TMEM132C: variants seen among roughly 807,000 people sequenced by gnomAD.
The protein encoded by TMEM132C is protein phosphatase 1, regulatory subunit 152.
TMEM132C carries 29 observed loss-of-function variants against 61.4 expected under a neutral mutation model. That is an observed-to-expected ratio of 0.47 (90% CI 0.35 to 0.64). The LOEUF (loss-of-function observed/expected upper bound fraction) is 0.64. TMEM132C is among the 30% of genes least tolerant of loss of function. TMEM132C has a pLI of 0.00. For missense variants in TMEM132C, 1,408 were observed against 1,476.9 expected (o/e 0.95, Z 0.76); for synonymous variants, 656 against 633.1 (o/e 1.04, Z -0.54).
chr12:128,506,206 G>A (rs1872353274), intron 2 of TMEM132C, among the ~76,000 whole-genome samples: 2 of 152,200 alleles, frequency 1.3e-5, no homozygotes, highest in South Asian at 2.1e-4. Flanking sequence ...CTCTCCAGAT[G>A]CAGGAGAAAG....
At chr12:128,297,022 A>G (rs1159523216) in intron 1 of TMEM132C, among the ~76,000 whole-genome samples, 1 of 152,136 alleles carries the variant, frequency 6.6e-6, no homozygotes, top group East Asian at 1.9e-4. Flanking sequence ...GGATGTAGGA[A>G]ATACAGCTGT....
chr12:128,543,795 G>A (rs1456403687), intron 2 of TMEM132C, among the ~76,000 whole-genome samples, 162 bp from the exon 3 acceptor site: 5 of 152,040 alleles, frequency 3.3e-5, no homozygotes. Flanking sequence ...CGCTCGCCCT[G>A]CCCTGGCATC....
rs1376966220 is a variant in TMEM132C, at chr12:128,696,077, C to T, written c.1903C>T (p.Arg635Ter). 5 of 1,551,446 alleles carry T rather than the reference C, an allele frequency of 3.2e-6. No individual in the cohort carries two copies. In the Admixed American group the frequency reaches 5.9e-5, roughly 18 times the overall value. ...TLQDSRVLVG[R>*]EVGMTTIQVL... ...CCAGGACAGCCGGGTCCTGGTTGGGCGAGAGGTTGGGATGACGACCATCCA... is the reference window on the plus strand; with the variant it reads ...CCAGGACAGCCGGGTCCTGGTTGGGTGAGAGGTTGGGATGACGACCATCCA... The change falls in exon 7 of 9, where the codon CGA (arginine) becomes TGA (stop). Residue 635 changes from arginine to a stop codon, truncating the protein, a stop_gained. Transcript: ENST00000435159. LOFTEE classifies it high-confidence loss of function.
intron 1 of TMEM132C, among the ~76,000 whole-genome samples, chr12:128,410,478 C>T (rs1436117589): frequency 2.0e-5 from 3 of 152,192 alleles, no homozygotes; most frequent in Non-Finnish European, 2.9e-5. Flanking sequence ...TCTCGGCTCA[C>T]TGCAACCTCC....
chr12:128,290,364 G>C (rs1871210872), intron 1 of TMEM132C, among the ~76,000 whole-genome samples: 1 of 152,044 alleles, frequency 6.6e-6, no homozygotes, highest in South Asian at 2.1e-4. Flanking sequence ...AGGGGGAAGT[G>C]CCACACTTTT....
At chr12:128,516,002 T>G (rs1256398615) in intron 2 of TMEM132C, among the ~76,000 whole-genome samples, 1 of 152,142 alleles carries the variant, frequency 6.6e-6, no homozygotes, top group Non-Finnish European at 1.5e-5. Context: ...TCACCCGCCC[T>G]GTGGTTCGCT....
At position 128,415,285 on chromosome 12, in the gene TMEM132C, G is replaced by T; in HGVS notation, c.639G>T (p.Gly213=). ...TCAGTGCCCCGACGGTGGGTGCCGG[G>T]AGGAAGAAGTCCATGGACCAGCCGG... ...SWFSAPTVGA[G]RKKSMDQPEG... Residue 213 remains glycine, a synonymous_variant, in exon 2 of 9, where the codon GGG becomes GGT. Transcript: ENST00000435159. The surrounding 1 kb of genome is among the most constrained non-coding windows in gnomAD (Gnocchi z 5.8). 6.3e-7 allele frequency: 1 copy of T among 1,598,088 alleles called. No homozygotes were observed. Among genetic ancestry groups the T allele is most frequent in the South Asian group, 1.1e-5 (1 of 88,682 alleles).
intron 1 of TMEM132C, chr12:128,294,008 G>A: frequency 6.5e-6 from 1 of 154,700 alleles, no homozygotes. Context: ...AGGTGGTTGT[G>A]TCTGCTGGGG....
At chr12:128,335,056 T>C (rs1488179977) in intron 1 of TMEM132C, among the ~76,000 whole-genome samples, 1 of 152,266 alleles carries the variant, frequency 6.6e-6, no homozygotes, top group African/African-American at 2.4e-5. Context: ...TATCATAGAT[T>C]GCAAAAGTTA....
chr12:128,674,668 CTTTA>C lies in TMEM132C; in HGVS notation c.1449+5116_1449+5119del, dbSNP rs1274724790. On this transcript the variant is annotated intron_variant, in intron 5 of 8. Transcript: ENST00000435159. Reference sequence around the variant, plus strand: ...TCACCTGGCAACACTGTGGGGTGCCCTTTATTTATTTTTTCATTTTTCCATAAGT... The same window carrying C: ...TCACCTGGCAACACTGTGGGGTGCCCTTTATTTTTTCATTTTTCCATAAGT... Among the ~76,000 whole-genome samples the C allele has an allele frequency of 3.3e-5, 5 of 152,168 alleles. No individual in the cohort carries two copies. In the East Asian group the frequency reaches 7.7e-4, roughly 24 times the overall value.
chr12:128,443,465 T>A (rs1191479082), intron 2 of TMEM132C, among the ~76,000 whole-genome samples: 1 of 152,218 alleles, frequency 6.6e-6, no homozygotes. Flanking sequence ...TAAACATTTT[T>A]AAAGTTTTTA....
Position 128,656,845 on chromosome 12 carries a change from G to A in TMEM132C, c.1306-12572G>A, listed in dbSNP as rs183952268. 9.8e-5 allele frequency among the ~76,000 whole-genome samples: 15 copies of A among 152,302 alleles called. No homozygotes were observed. In the East Asian group the frequency reaches 1.7e-3, roughly 18 times the overall value. On this transcript the variant is annotated intron_variant, in intron 4 of 8. Transcript: ENST00000435159. Reference sequence around the variant, plus strand: ...TTCAGTAACTGAAGAAAAAAAGAGAGTGGATATTGAGAGGCAGCCTCTTTT... The same window carrying A: ...TTCAGTAACTGAAGAAAAAAAGAGAATGGATATTGAGAGGCAGCCTCTTTT...
At chr12:128,516,170 A>G (rs73424405) in intron 2 of TMEM132C, among the ~76,000 whole-genome samples, 4,345 of 152,180 alleles carry the variant, frequency 0.029, 209 homozygotes, top group African/African-American at 0.098. Flanking sequence ...TAAAATAAAC[A>G]CTAAGTACCC....
chr12:128,628,708 C>G (rs553179946), intron 4 of TMEM132C, among the ~76,000 whole-genome samples: 7 of 152,254 alleles, frequency 4.6e-5, no homozygotes, highest in African/African-American at 1.7e-4. Flanking sequence ...GGTGTATGAC[C>G]CGCCACATCT....
intron 1 of TMEM132C, among the ~76,000 whole-genome samples, chr12:128,283,460 A>C (rs1249051750): frequency 6.6e-6 from 1 of 152,070 alleles, no homozygotes; most frequent in Non-Finnish European, 1.5e-5. Flanking sequence ...ATCATTGTGC[A>C]CACATTGGCC....
chr12:128,568,694 A>G (rs1015965030), intron 3 of TMEM132C, among the ~76,000 whole-genome samples: 3 of 152,120 alleles, frequency 2.0e-5, no homozygotes, highest in Non-Finnish European at 4.4e-5. Flanking sequence ...CCTGATACTG[A>G]CAAGGAGAGA....
chr12:128,371,748 T>A (rs1593028801), intron 1 of TMEM132C, among the ~76,000 whole-genome samples: 3 of 152,144 alleles, frequency 2.0e-5, no homozygotes, highest in African/African-American at 4.8e-5. Context: ...AACATATTTT[T>A]AAAATTTTTT....
At chr12:128,396,025 C>CTT (rs1425446028) in intron 1 of TMEM132C, among the ~76,000 whole-genome samples, 1 of 152,140 alleles carries the variant, frequency 6.6e-6, no homozygotes, top group Admixed American at 6.5e-5. Flanking sequence ...GCATGAAGCC[C>CTT]TTTAGTAGAG....
intron 2 of TMEM132C, among the ~76,000 whole-genome samples, chr12:128,444,945 G>A (rs12305996): frequency 0.11 from 16,602 of 152,192 alleles, 1,175 homozygotes; most frequent in African/African-American, 0.19. Flanking sequence ...CTAAAAGGAA[G>A]GTGTTTGAAC....
Sources: allele counts gnomAD v4.1 joint callset (sites outside exome capture counted in the v4.1 genomes callset), GRCh38; gene constraint gnomAD v4.1.1; non-coding constraint Gnocchi (gnomAD v3.1); transcripts MANE v1.5; gene names NCBI Gene and HGNC (gene_info 2026-07-23, HGNC 2026-07-21).